The following RARB variants were observed in gnomAD, a reference collection of about 807,000 sequenced individuals.
RARB encodes the protein HBV-activated protein.
RARB carries 17 observed loss-of-function variants against 51.9 expected under a neutral mutation model. The ratio of observed to expected loss-of-function variants is 0.33; its 90% confidence interval spans 0.22 to 0.49. The LOEUF (loss-of-function observed/expected upper bound fraction) is 0.49. Among genes scored for constraint, RARB ranks in the 20% least tolerant of loss-of-function variants. The pLI, the probability that RARB is intolerant of heterozygous loss-of-function variation, is 0.99. For missense variants in RARB, 369 were observed against 550.8 expected (o/e 0.67, Z 3.30); for synonymous variants, 215 against 195.4 (o/e 1.10, Z -0.84).
At chr3:25,489,599 A>G (rs1030727662) in intron 2 of RARB, among the ~76,000 whole-genome samples, 3 of 152,254 alleles carry the variant, frequency 2.0e-5, no homozygotes, top group African/African-American at 7.2e-5. Flanking sequence ...AGACACAAAG[A>G]TCAATTGTTG....
chr3:24,889,019 ATGAT>A (rs745544223), intron 2 of RARB, among the ~76,000 whole-genome samples: 4 of 152,188 alleles, frequency 2.6e-5, no homozygotes, highest in Non-Finnish European at 5.9e-5. Context: ...GGATAATAGA[ATGAT>A]TGGGAATTTT....
intron 2 of RARB, among the ~76,000 whole-genome samples, chr3:24,984,903 C>T (rs1696754615): frequency 6.6e-6 from 1 of 152,182 alleles, no homozygotes. Context: ...CTGCAATTTC[C>T]TGTTCTGAGC....
chr3:25,016,756 C>T (rs1400877568), intron 2 of RARB, among the ~76,000 whole-genome samples: 1 of 151,988 alleles, frequency 6.6e-6, no homozygotes, highest in Non-Finnish European at 1.5e-5. Flanking sequence ...GCCACAGAGA[C>T]ATAGTGCTCA....
intron 5 of RARB, among the ~76,000 whole-genome samples, chr3:25,248,985 G>T (rs1204662450): frequency 6.6e-6 from 1 of 152,040 alleles, no homozygotes. Context: ...TTTCTTGCTA[G>T]ACTTAGGAAG....
intron 2 of RARB, among the ~76,000 whole-genome samples, chr3:24,948,769 A>C (rs1224394743): frequency 6.6e-6 from 1 of 152,034 alleles, no homozygotes; most frequent in Non-Finnish European, 1.5e-5. Flanking sequence ...AGTTCATGTG[A>C]GATCTGGCGG....
intron 2 of RARB, among the ~76,000 whole-genome samples, chr3:24,896,210 G>A (rs1176133945): frequency 6.6e-6 from 1 of 152,114 alleles, no homozygotes; most frequent in Non-Finnish European, 1.5e-5. Context: ...CTGGAGGAAG[G>A]GGAGAAAGGG....
At chr3:25,260,624 C>T (rs1326356007) in intron 5 of RARB, among the ~76,000 whole-genome samples, 1 of 152,092 alleles carries the variant, frequency 6.6e-6, no homozygotes, top group East Asian at 1.9e-4. Flanking sequence ...TTCATCTTAC[C>T]TGCCCACTAG....
intron 3 of RARB, among the ~76,000 whole-genome samples, chr3:25,551,146 G>A (rs1419603154): frequency 6.6e-6 from 1 of 152,128 alleles, no homozygotes; most frequent in Non-Finnish European, 1.5e-5. Flanking sequence ...GGGAAGGAGA[G>A]GTTTTAAATG....
chr3:25,158,372 C>T (rs1454055917), intron 4 of RARB, among the ~76,000 whole-genome samples: 1 of 152,164 alleles, frequency 6.6e-6, no homozygotes, highest in Non-Finnish European at 1.5e-5. Flanking sequence ...GTTACAATTG[C>T]TTATAATCTC....
At chr3:25,239,902 T>C (rs530764102) in intron 5 of RARB, among the ~76,000 whole-genome samples, 9 of 152,174 alleles carry the variant, frequency 5.9e-5, no homozygotes, top group African/African-American at 1.7e-4. Context: ...TTTAATGATA[T>C]TAATTCTTCT....
intron 2 of RARB, among the ~76,000 whole-genome samples, chr3:24,871,963 C>G (rs770074860): frequency 6.6e-6 from 1 of 152,160 alleles, no homozygotes; most frequent in Admixed American, 6.5e-5. Context: ...GTCTGATCCA[C>G]GGTCATCTCT....
chr3:25,258,996 AC>A, intron 5 of RARB: 6 of 982,920 alleles, frequency 6.1e-6, no homozygotes, highest in Non-Finnish European at 7.2e-6. Flanking sequence ...CTGGGGACAA[AC>A]CATAGTATAT....
At chr3:25,143,843 A>G (rs1700147577) in intron 4 of RARB, among the ~76,000 whole-genome samples, 2 of 152,136 alleles carry the variant, frequency 1.3e-5, no homozygotes, top group South Asian at 4.1e-4. Flanking sequence ...TGTTGAGAGG[A>G]TTAAATGAAG....
chr3:25,522,356 G>A (rs1698438900), intron 3 of RARB, among the ~76,000 whole-genome samples: 1 of 152,102 alleles, frequency 6.6e-6, no homozygotes, highest in Non-Finnish European at 1.5e-5. Flanking sequence ...AGGCGCAGGG[G>A]GCGGGGCACG....
chr3:25,000,696 T>G (rs1356127167), intron 2 of RARB, among the ~76,000 whole-genome samples: 2 of 152,150 alleles, frequency 1.3e-5, no homozygotes, highest in African/African-American at 4.8e-5. Context: ...CTTTCATTCA[T>G]CATCTGAGGC....
intron 4 of RARB, among the ~76,000 whole-genome samples, chr3:25,135,957 T>G (rs1330015487): frequency 2.0e-5 from 3 of 151,932 alleles, no homozygotes; most frequent in Admixed American, 6.6e-5. Context: ...AATATAAAAT[T>G]TTAAATGTTA....
Position 25,003,364 on chromosome 3 carries a change from T to C in RARB, c.-379-56761T>C, listed in dbSNP as rs964405080. Among the ~76,000 whole-genome samples, 5 of 152,258 alleles carry C rather than the reference T, an allele frequency of 3.3e-5. No homozygotes were observed. The East Asian group carries it at 9.7e-4, about 29-fold the overall frequency. On this transcript the variant is annotated intron_variant, in intron 2 of 11. Coordinates refer to the RARB transcript ENST00000383772. Reference sequence around the variant, plus strand: ...ATGGACCTGGACCGAATGCAAGTTATTAATTTGCACTGAAATAACAATATA... The same window carrying C: ...ATGGACCTGGACCGAATGCAAGTTACTAATTTGCACTGAAATAACAATATA...
At chr3:25,300,035 T>C (rs1704004499) in intron 5 of RARB, among the ~76,000 whole-genome samples, 2 of 152,256 alleles carry the variant, frequency 1.3e-5, no homozygotes, top group South Asian at 4.1e-4. Context: ...CACTAAGCTC[T>C]GTTCATTTAA....
chr3:25,214,407 C>T (rs551811632), intron 5 of RARB, among the ~76,000 whole-genome samples: 1 of 152,306 alleles, frequency 6.6e-6, no homozygotes, highest in African/African-American at 2.4e-5. Context: ...ATAAGTATTT[C>T]AGCCACACAC....
Sources: gnomAD v4.1 joint callset for allele counts (sites outside exome capture counted in the v4.1 genomes callset) on GRCh38, gnomAD v4.1.1 for gene constraint, MANE v1.5 for transcripts, NCBI Gene and HGNC (gene_info 2026-07-23, HGNC 2026-07-21) for gene names.